The following ADGRV1 variants were observed in gnomAD, a reference collection of about 807,000 sequenced individuals.
ADGRV1 encodes the protein G-protein coupled receptor 98.
A neutral mutation model predicts 596.2 loss-of-function variants in ADGRV1; 359 were observed. The ratio of observed to expected loss-of-function variants is 0.60; its 90% CI spans 0.55 to 0.66. ADGRV1 has a LOEUF of 0.66. ADGRV1 is among the 30% of genes least tolerant of loss of function. ADGRV1 has a pLI of 0.00. For missense variants in ADGRV1, 7,274 were observed against 7,575.6 expected (o/e 0.96, Z 1.48); for synonymous variants, 2,681 against 2,679.2 (o/e 1.00, Z -0.02).
At chr5:90,736,224 G>A (rs1266381738) in intron 50 of ADGRV1, among the ~76,000 whole-genome samples, 1 of 151,946 alleles carries the variant, frequency 6.6e-6, no homozygotes, top group East Asian at 1.9e-4. Context: ...CATCAATTTA[G>A]ATGATTATTT....
chr5:91,057,047 A>G (rs1786942958), intron 85 of ADGRV1, among the ~76,000 whole-genome samples: 1 of 152,262 alleles, frequency 6.6e-6, no homozygotes, highest in Admixed American at 6.5e-5. Flanking sequence ...GCAAATTCCA[A>G]CAATGGAAAT....
chr5:90,685,441 C>T (rs1021498498), intron 28 of ADGRV1, among the ~76,000 whole-genome samples: 3 of 151,608 alleles, frequency 2.0e-5, no homozygotes, highest in East Asian at 1.9e-4. Context: ...AGAAATTAGC[C>T]GGGCATGGCA....
chr5:91,113,557 TC>T (rs1408719043), intron 87 of ADGRV1, among the ~76,000 whole-genome samples: 2 of 152,210 alleles, frequency 1.3e-5, no homozygotes, highest in African/African-American at 4.8e-5. Flanking sequence ...AGTCAGTTGT[TC>T]CATAATTATA....
chr5:91,159,681 G>A (rs992514727), intron 89 of ADGRV1, among the ~76,000 whole-genome samples: 5 of 152,002 alleles, frequency 3.3e-5, no homozygotes, highest in South Asian at 2.1e-4. Flanking sequence ...TAGACTAGTG[G>A]TATCCTGATT....
chr5:91,010,645 C>A (rs980653703), intron 85 of ADGRV1, among the ~76,000 whole-genome samples: 3 of 151,984 alleles, frequency 2.0e-5, no homozygotes, highest in Admixed American at 1.3e-4. Flanking sequence ...TCTGATTTAT[C>A]TGAAATGCTA....
intron 26 of ADGRV1, 101 bp from the exon 27 acceptor site, chr5:90,681,214 G>A (rs1470631600): frequency 7.9e-7 from 1 of 1,264,252 alleles, no homozygotes; most frequent in Non-Finnish European, 1.1e-6. Context: ...CTCAATGAAT[G>A]GAAGGACTCT....
chr5:90,870,465 G>T (rs1768554519), intron 83 of ADGRV1, among the ~76,000 whole-genome samples: 1 of 152,160 alleles, frequency 6.6e-6, no homozygotes, highest in Non-Finnish European at 1.5e-5. Context: ...ACTACAAGAG[G>T]ATTGGAAAAT....
intron 83 of ADGRV1, among the ~76,000 whole-genome samples, chr5:90,890,288 C>T (rs1770683168): frequency 6.6e-6 from 1 of 151,658 alleles, no homozygotes. Context: ...AAAGGCTATT[C>T]TGCCCTGTAT....
At chr5:90,654,324 A>G (rs748852566) in intron 20 of ADGRV1, 6 of 252,912 alleles carry the variant, frequency 2.4e-5, no homozygotes, top group Admixed American at 5.1e-5. Context: ...AGGAATAGAA[A>G]TGTGAAACAG....
intron 19 of ADGRV1, among the ~76,000 whole-genome samples, chr5:90,652,931 G>A (rs1020186552): frequency 2.6e-5 from 4 of 152,040 alleles, no homozygotes; most frequent in Non-Finnish European, 4.4e-5. Context: ...ATCAATTTTC[G>A]CATCACTTTT....
intron 87 of ADGRV1, among the ~76,000 whole-genome samples, chr5:91,111,629 G>A (rs1368265120): frequency 2.0e-5 from 3 of 152,160 alleles, no homozygotes; most frequent in African/African-American, 7.2e-5. Context: ...CACTCCCTTT[G>A]CAGTTGCTTT....
Position 90,653,202 on chromosome 5 carries a change from G to C in ADGRV1, c.3635-7G>C. The stretch of plus-strand genomic sequence containing the variant: ...TAGTTTCTCACTCATAAATTTTCTT[G>C]TTACAGGTGGATCCCCAGGTCCTGG... On this transcript the variant is annotated splice_polypyrimidine_tract_variant and splice_region_variant and intron_variant, in intron 19 of 89. Transcript: ENST00000405460. The C allele has an allele frequency of 6.3e-7, 1 of 1,591,186 alleles. No individual in the cohort carries two copies. The highest frequency in any genetic ancestry group is 8.6e-7 in the Non-Finnish European group (1 of 1,167,532).
At chr5:90,764,606 C>T (rs1382148668) in intron 59 of ADGRV1, among the ~76,000 whole-genome samples, 2 of 152,150 alleles carry the variant, frequency 1.3e-5, no homozygotes, top group Admixed American at 6.5e-5. Context: ...CCCAAGGGGA[C>T]TTTGATGGGC....
At chr5:90,723,838 T>G (rs563392276) in intron 45 of ADGRV1, among the ~76,000 whole-genome samples, 1 of 152,272 alleles carries the variant, frequency 6.6e-6, no homozygotes, top group Admixed American at 6.5e-5. Context: ...ACTTAATGTT[T>G]TGGAGGGAAG....
intron 85 of ADGRV1, among the ~76,000 whole-genome samples, chr5:91,049,741 T>G (rs1195872123): frequency 6.6e-6 from 1 of 152,178 alleles, no homozygotes; most frequent in African/African-American, 2.4e-5. Context: ...CCAGTGTATC[T>G]TGATTATTTT....
intron 8 of ADGRV1, 54 bp downstream of exon 8, chr5:90,628,886 C>G (rs1765143169): frequency 1.0e-5 from 16 of 1,531,640 alleles, no homozygotes; most frequent in Non-Finnish European, 1.3e-5. Context: ...TGTACAAGAA[C>G]CAAAGAATTT....
chr5:90,802,407 T>C (rs1463948311), intron 70 of ADGRV1, among the ~76,000 whole-genome samples: 1 of 152,060 alleles, frequency 6.6e-6, no homozygotes, highest in East Asian at 1.9e-4. Context: ...TTTTATTTTT[T>C]ATTAGTAGAG....
intron 85 of ADGRV1, among the ~76,000 whole-genome samples, chr5:91,036,243 A>T (rs1439723670): frequency 6.6e-6 from 1 of 152,050 alleles, no homozygotes; most frequent in Non-Finnish European, 1.5e-5. Context: ...TCACACCTGT[A>T]ATCCCAACAC....
Position 91,157,989 on chromosome 5 carries a change from T to C in ADGRV1, c.18802+4591T>C, listed in dbSNP as rs146606358. On this transcript the variant is annotated intron_variant, in intron 89 of 89. Transcript: ENST00000405460. ...TGAGGAGGGGCAGCCAGCTCCCACA[T>C]TGACCACTGACGTTAGCCAAATCGT... is the stretch of plus-strand genomic sequence containing the variant. 3.1e-3 allele frequency among the ~76,000 whole-genome samples: 469 copies of C among 152,344 alleles called. 5 individuals carry two copies. Among genetic ancestry groups the C allele is most frequent in the African/African-American group, 0.011 (444 of 41,572 alleles).
Sources: gnomAD v4.1 joint callset for allele counts (sites outside exome capture counted in the v4.1 genomes callset) on GRCh38, gnomAD v4.1.1 for gene constraint, MANE v1.5 for transcripts, NCBI Gene and HGNC (gene_info 2026-07-23, HGNC 2026-07-21) for gene names.